Variants in KRT20 observed in about 807,000 individuals in gnomAD.
The protein encoded by KRT20 is keratin 20.
KRT20 carries 41 observed loss-of-function variants against 43.0 expected under a neutral mutation model. The ratio of observed to expected loss-of-function variants is 0.95; its 90% CI spans 0.74 to 1.24. The LOEUF (loss-of-function observed/expected upper bound fraction) is 1.24, where lower values mean the gene tolerates loss of function less well. KRT20 is among the 50% of genes most tolerant of loss of function. KRT20 has a pLI of 0.00. For synonymous variants in KRT20, 207 were observed against 200.6 expected, an observed-to-expected ratio of 1.03 and a Z score of -0.27; for missense variants, 533 against 521.2, an observed-to-expected ratio of 1.02 and a Z score of -0.22.
Position 40,879,905 on chromosome 17 carries a change from T to C in KRT20, c.826A>G (p.Thr276Ala). ...AVLQQQVTVN[T>A]EELKGTEVQL... ...ACCTCAGTTCCTTTTAATTCTTCAG[T>C]ATTCACTGTGACCTGTTGCTGCAGA... The change falls in exon 5 of 8, where the codon ACT becomes GCT. Residue 276 changes from threonine to alanine, a missense_variant. Coordinates refer to ENST00000167588, the MANE Select transcript of KRT20 (RefSeq NM_019010.3). 1.2e-6 allele frequency: 2 copies of C among 1,613,802 alleles called. No homozygotes were observed. The highest frequency in any genetic ancestry group is 1.7e-6 in the Non-Finnish European group (2 of 1,179,962).
intron 6 of KRT20, 123 bp from the exon 7 acceptor site, chr17:40,877,540 CAT>C: frequency 1.8e-6 from 1 of 553,682 alleles, no homozygotes; most frequent in South Asian, 3.2e-5. Context: ...TTATTGCTTT[CAT>C]ATATCTTTCC....
chr17:40,877,708 A>G (rs1443697073), intron 6 of KRT20, among the ~76,000 whole-genome samples: 1 of 152,164 alleles, frequency 6.6e-6, no homozygotes, highest in Non-Finnish European at 1.5e-5. Flanking sequence ...TCTCTTGTTG[A>G]TATTCTTAGG....
At chr17:40,880,467 G>T in intron 3 of KRT20, 147 bp downstream of exon 3, 1 of 800,628 alleles carries the variant, frequency 1.2e-6, no homozygotes, top group Non-Finnish European at 1.9e-6. Context: ...AGAAGGTAGG[G>T]CTTGTATCAT....
At position 40,885,076 on chromosome 17, in the gene KRT20, C is replaced by A; in HGVS notation, c.110G>T (p.Gly37Val). The change falls in exon 1 of 8, where the codon GGG (glycine) becomes GTG (valine). Residue 37 changes from glycine (G) to valine (V), a missense_variant. Transcript: ENST00000167588. The stretch of plus-strand genomic sequence containing the variant: ...GCGGATGCCCCGGCCTCCAGCACCC[C>A]CATAAACGCTGGGTGTCGTCCCGAG... ...QRLGTTPSVY[G>V]GAGGRGIRIS... 6.2e-6 allele frequency: 10 copies of A among 1,614,156 alleles called. No homozygotes were observed. Among genetic ancestry groups the A allele is most frequent in the Non-Finnish European group, 8.5e-6 (10 of 1,180,028 alleles).
intron 1 of KRT20, among the ~76,000 whole-genome samples, 186 bp downstream of exon 1, chr17:40,884,610 A>G (rs1907725602): frequency 6.6e-6 from 1 of 152,224 alleles, no homozygotes; most frequent in Non-Finnish European, 1.5e-5. Flanking sequence ...AAATAGCATG[A>G]TTTAAGGTCA....
chr17:40,884,756 A>C (rs1241388585), intron 1 of KRT20, 40 bp downstream of exon 1: 1 of 1,573,686 alleles, frequency 6.4e-7, no homozygotes, highest in Non-Finnish European at 8.6e-7. Flanking sequence ...TTTATCTTGA[A>C]GCTAAACACA....
intron 5 of KRT20, 117 bp downstream of exon 5, chr17:40,879,696 G>A (rs1454469140): frequency 2.6e-6 from 3 of 1,148,926 alleles, no homozygotes; most frequent in Non-Finnish European, 3.7e-6. Context: ...CTGTTTCCCT[G>A]CCAGTTCTGC....
intron 3 of KRT20, among the ~76,000 whole-genome samples, 170 bp downstream of exon 3, chr17:40,880,444 C>A (rs897150791): frequency 3.3e-5 from 5 of 152,186 alleles, no homozygotes; most frequent in African/African-American, 1.2e-4. Flanking sequence ...TAACTTACAA[C>A]AACATTATGA....
At position 40,878,316 on chromosome 17, in the gene KRT20, C is replaced by T. The variant is rs1907439019; in HGVS notation, c.968G>A (p.Ser323Asn). ...TLEETKARYS[S>N]QLANLQSLLS... ...CAGCGACTGGAGGTTGGCTAACTGGCTGCTGTAACGGGCCTTGGTCTCCTC... is the reference window on the plus strand; with the variant it reads ...CAGCGACTGGAGGTTGGCTAACTGGTTGCTGTAACGGGCCTTGGTCTCCTC... The change falls in exon 6 of 8, where the codon AGC becomes AAC. Residue 323 changes from serine to asparagine, a missense_variant. Physicochemically the swap from Ser to Asn is conservative, Grantham distance 46 (BLOSUM62 1). Coordinates refer to ENST00000167588, the MANE Select transcript of KRT20 (RefSeq NM_019010.3). The T allele has an allele frequency of 1.9e-6, 3 of 1,613,954 alleles. No homozygotes were observed. In the African/African-American group the frequency reaches 4.0e-5, roughly 22 times the overall value.
chr17:40,877,384 C>T lies in KRT20; in HGVS notation c.1173G>A (p.Glu391=), dbSNP rs775900682. The T allele has an allele frequency of 4.6e-6, 7 of 1,530,036 alleles. No individual in the cohort carries two copies. In the Admixed American group the frequency reaches 9.7e-5, roughly 21 times the overall value. The allele number at this position is 1,530,036 out of a possible 1,614,324, so 94.8% of individuals were successfully genotyped here. A position where few individuals can be genotyped will look rare whatever the true frequency, so the allele number is the denominator to read the frequency against. Residue 391 remains glutamate (E), a synonymous_variant, in exon 7 of 8, where the codon GAG becomes GAA. Transcript: ENST00000167588. ...GTGCAAAAATTTAGAACTTACCTCTCTCTTCCAGGGTGCTTAACTGATATT... is the reference window on the plus strand; with the variant it reads ...GTGCAAAAATTTAGAACTTACCTCTTTCTTCCAGGGTGCTTAACTGATATT... ...TTEYQLSTLE[E]RDIKKTRKIK...
Position 40,880,003 on chromosome 17 carries a change from A to G in KRT20, c.793-65T>C, listed in dbSNP as rs1597851436. On this transcript the variant is annotated intron_variant, in intron 4 of 7. Coordinates refer to ENST00000167588, the MANE Select transcript of KRT20 (RefSeq NM_019010.3). Reference sequence around the variant, plus strand: ...GAAATAAGAAAGAAAAGACAGAAAGAGAAAGGAAGAATGAACAAATGAAAA... The same window carrying G: ...GAAATAAGAAAGAAAAGACAGAAAGGGAAAGGAAGAATGAACAAATGAAAA... 4 of 1,599,590 alleles carry G rather than the reference A, an allele frequency of 2.5e-6. No homozygotes were observed. In the East Asian group the frequency reaches 9.0e-5, roughly 36 times the overall value.
chr17:40,879,956 A>G lies in KRT20; in HGVS notation c.793-18T>C. On this transcript the variant is annotated intron_variant, in intron 4 of 7. Transcript: ENST00000167588. ...ACTGCAGTCTACAGTGCCAAGAGTG[A>G]AAAAAAAATAGTTGAGGGGTGGAAA... The G allele has an allele frequency of 6.3e-7, 1 of 1,575,378 alleles. No homozygotes were observed. The highest frequency in any genetic ancestry group is 8.6e-7 in the Non-Finnish European group (1 of 1,156,642).
At chr17:40,881,293 G>C (rs1409115415) in intron 2 of KRT20, among the ~76,000 whole-genome samples, 1 of 151,360 alleles carries the variant, frequency 6.6e-6, no homozygotes, top group African/African-American at 2.4e-5. Flanking sequence ...CTGTCACTCA[G>C]GCTGGAGTAC....
chr17:40,876,133 C>T lies in KRT20; in HGVS notation c.*228G>A. On this transcript the variant is annotated 3_prime_UTR_variant, in exon 8 of 8. Coordinates refer to ENST00000167588, the MANE Select transcript of KRT20 (RefSeq NM_019010.3). The stretch of plus-strand genomic sequence containing the variant: ...TGGCAGTAATGATGTTTTAAATATT[C>T]TAGTGCTCACTGGATTTCATTTTTG... The T allele has an allele frequency of 2.4e-6, 1 of 423,966 alleles. No homozygotes were observed. Among genetic ancestry groups the T allele is most frequent in the East Asian group, 3.4e-5 (1 of 29,788 alleles). 26.3% of individuals were successfully genotyped at this position (423,966 alleles called of 1,614,324 possible). A position where few individuals can be genotyped will look rare whatever the true frequency, so the allele number is the denominator to read the frequency against.
In KRT20 at chr17:40,879,861, T is replaced by C; in HGVS notation, c.870A>G (p.Arg290=). ...CTATCTCAAGGCTCTGGGAGGTGCGTCTCAGCTCCGTTAGTTGAACCTCAG... is the reference window on the plus strand; with the variant it reads ...CTATCTCAAGGCTCTGGGAGGTGCGCCTCAGCTCCGTTAGTTGAACCTCAG... ...KGTEVQLTEL[R]RTSQSLEIEL... The change falls in exon 5 of 8, where the codon AGA becomes AGG. Residue 290 remains arginine, a synonymous_variant. Transcript: ENST00000167588. The C allele has an allele frequency of 1.2e-6, 2 of 1,613,444 alleles. No individual in the cohort carries two copies. Among genetic ancestry groups the C allele is most frequent in the Non-Finnish European group, 1.7e-6 (2 of 1,179,902 alleles).
At chr17:40,876,497 A>G (rs750124180) in intron 7 of KRT20, 39 bp from the exon 8 acceptor site, 35 of 1,163,240 alleles carry the variant, frequency 3.0e-5, no homozygotes, top group Non-Finnish European at 3.9e-5. Context: ...ATTCAGGCAC[A>G]TGACTCTGCT....
intron 1 of KRT20, 118 bp from the exon 2 acceptor site, chr17:40,882,772 C>T (rs1197613944): frequency 7.1e-6 from 2 of 282,568 alleles, no homozygotes; most frequent in Non-Finnish European, 1.2e-5. Context: ...TGCAATGGTA[C>T]GATCTCGGCT....
chr17:40,878,130 T>A lies in KRT20; in HGVS notation c.1139+15A>T, dbSNP rs753628917. The A allele has an allele frequency of 6.9e-6, 11 of 1,604,522 alleles. No homozygotes were observed. The Admixed American group carries it at 1.3e-4, about 19-fold the overall frequency. ...ACAGATATTGACACCTATTCCTTGA[T>A]TCTAAGAGCCTTACTTTACGTCTTC... On this transcript the variant is annotated intron_variant, in intron 6 of 7. Transcript: ENST00000167588.
At chr17:40,879,111 C>A (rs116057563) in intron 5 of KRT20, among the ~76,000 whole-genome samples, 3,027 of 152,294 alleles carry the variant, frequency 0.02, 101 homozygotes, top group African/African-American at 0.069. Context: ...ATCAAGTGGA[C>A]CAACCATTGC....
Sources: allele counts gnomAD v4.1 joint callset (sites outside exome capture counted in the v4.1 genomes callset), GRCh38; gene constraint gnomAD v4.1.1; transcripts MANE v1.5; gene names NCBI Gene and HGNC (gene_info 2026-07-23, HGNC 2026-07-21).